The following LCORL variants were observed in gnomAD, a reference collection of about 807,000 sequenced individuals.
LCORL encodes the protein ligand-dependent nuclear receptor corepressor-like protein.
In LCORL, 41 loss-of-function variants were observed where a neutral mutation model predicts 141.8. That is an observed-to-expected ratio of 0.29 (90% CI 0.23 to 0.38). LCORL has a LOEUF of 0.38. Among genes scored for constraint, LCORL ranks in the 10% least tolerant of loss-of-function variants. The pLI is 1.00. For missense variants in LCORL, 1,759 were observed against 2,035.0 expected (o/e 0.86, Z 2.61); for synonymous variants, 618 against 694.1 (o/e 0.89, Z 1.72).
exon 8 of LCORL, chr4:17,841,571 T>TCA: frequency 6.6e-6 from 1 of 152,074 alleles, no homozygotes; most frequent in South Asian, 2.1e-4. Context: ...TTTCAGACTG[T>TCA]CACATTGAAC....
At chr4:17,952,910 GC>G (rs1375059583) in intron 4 of LCORL, among the ~76,000 whole-genome samples, 1 of 151,592 alleles carries the variant, frequency 6.6e-6, no homozygotes, top group African/African-American at 2.4e-5. Context: ...CCTCAAGTAG[GC>G]CCCAGTGTCT....
At chr4:17,882,482 A>G in intron 6 of LCORL, 1 of 984,344 alleles carries the variant, frequency 1.0e-6, no homozygotes, top group South Asian at 4.7e-5. Flanking sequence ...AGTCTCTCTT[A>G]TGAGTCTAGT....
intron 5 of LCORL, among the ~76,000 whole-genome samples, chr4:17,902,799 G>T (rs1277138118): frequency 2.0e-5 from 3 of 151,818 alleles, no homozygotes; most frequent in Non-Finnish European, 2.9e-5. Context: ...TACATAATTT[G>T]TTAAAAAGAA....
intron 7 of LCORL, among the ~76,000 whole-genome samples, chr4:17,857,171 T>C (rs1424611939): frequency 6.6e-6 from 1 of 151,982 alleles, no homozygotes; most frequent in East Asian, 1.9e-4. Flanking sequence ...CCAACAGAGC[T>C]TGGAAATATT....
chr4:17,954,734 T>C (rs1560398973), intron 4 of LCORL, among the ~76,000 whole-genome samples: 1 of 152,114 alleles, frequency 6.6e-6, no homozygotes, highest in Admixed American at 6.6e-5. Context: ...ACAGACTTGA[T>C]AATAGGTTGC....
intron 7 of LCORL, among the ~76,000 whole-genome samples, chr4:17,847,513 C>A (rs1466691394): frequency 6.6e-6 from 1 of 152,150 alleles, no homozygotes; most frequent in African/African-American, 2.4e-5. Context: ...TAAATAGATA[C>A]TAGACAAAAT....
intron 1 of LCORL, among the ~76,000 whole-genome samples, chr4:18,003,878 T>A (rs1438116308): frequency 6.6e-6 from 1 of 152,214 alleles, no homozygotes; most frequent in Non-Finnish European, 1.5e-5. Context: ...ACTCAGTTTA[T>A]CTTGGATAAA....
chr4:17,884,374 T>C lies in LCORL; in HGVS notation c.776+1694A>G, dbSNP rs1283194749. ...ACTGAGTGACCATTTTCTGTAGAGT[T>C]AGCTGATGGAGGTAAGTGGAAGCTG... On this transcript the variant is annotated intron_variant, in intron 6 of 7. Coordinates refer to ENST00000635767, the Ensembl canonical transcript of LCORL. This position sits in a 1 kb window ranked among gnomAD's most constrained non-coding sequence, Gnocchi z 4.4. 6.5e-7 allele frequency: 1 copy of C among 1,547,596 alleles called. No homozygotes were observed. Among genetic ancestry groups the C allele is most frequent in the African/African-American group, 1.4e-5 (1 of 72,650 alleles).
intron 5 of LCORL, among the ~76,000 whole-genome samples, chr4:17,890,084 G>A (rs1386214449): frequency 6.6e-6 from 1 of 151,962 alleles, no homozygotes; most frequent in Non-Finnish European, 1.5e-5. Context: ...TTTATTTACT[G>A]TTGGTATTCA....
chr4:17,911,440 T>A (rs965583595), intron 4 of LCORL, among the ~76,000 whole-genome samples: 4 of 152,206 alleles, frequency 2.6e-5, no homozygotes, highest in Non-Finnish European at 5.9e-5. Context: ...CTAAGAAGGA[T>A]AAGACATCAG....
At position 17,860,486 on chromosome 4, in the gene LCORL, C is replaced by T. The variant is rs1157946679; in HGVS notation, c.5602+12902G>A. Among the ~76,000 whole-genome samples the T allele has an allele frequency of 2.0e-5, 3 of 152,124 alleles. No individual in the cohort carries two copies. In the East Asian group the frequency reaches 5.8e-4, roughly 29 times the overall value. ...AAGACCTGCCCCCATGATTCAATTA[C>T]CTCCCACCAGGTCCCTCCCACAACA... On this transcript the variant is annotated intron_variant, in intron 7 of 7. Transcript: ENST00000635767.
At chr4:17,912,744 C>T (rs1732773826) in intron 4 of LCORL, 1 of 412,424 alleles carries the variant, frequency 2.4e-6, no homozygotes, top group South Asian at 1.9e-5. Flanking sequence ...TCGGAGCTGG[C>T]ACAGACCCGG....
intron 2 of LCORL, among the ~76,000 whole-genome samples, chr4:17,968,026 T>G (rs903641916): frequency 1.3e-5 from 2 of 151,976 alleles, no homozygotes; most frequent in African/African-American, 4.8e-5. Context: ...CCTGGCTAAT[T>G]TTTGTATTTT....
At chr4:17,881,514 G>A in intron 6 of LCORL, 2 of 868,596 alleles carry the variant, frequency 2.3e-6, no homozygotes, top group Non-Finnish European at 2.8e-6. Flanking sequence ...AATAATACAA[G>A]TACTAAAATG....
At chr4:17,877,236 A>G in exon 7 of LCORL, 1 of 1,230,500 alleles carries the variant, frequency 8.1e-7, no homozygotes, top group Non-Finnish European at 1.0e-6. Flanking sequence ...CAATAATTCC[A>G]TAAAACTATA....
chr4:18,010,752 A>G (rs959232690), intron 1 of LCORL, among the ~76,000 whole-genome samples: 4 of 152,134 alleles, frequency 2.6e-5, no homozygotes, highest in East Asian at 1.9e-4. Flanking sequence ...GGGCCCGGCC[A>G]TAACATATTT....
chr4:17,953,959 C>T (rs976765640), intron 4 of LCORL, among the ~76,000 whole-genome samples: 6 of 151,996 alleles, frequency 3.9e-5, no homozygotes, highest in Middle Eastern at 3.2e-3. Context: ...GTCAGGAGAT[C>T]GAGACCATCC....
At chr4:17,883,290 T>C in intron 6 of LCORL, 4 of 990,680 alleles carry the variant, frequency 4.0e-6, no homozygotes, top group Non-Finnish European at 4.8e-6. Flanking sequence ...AAGTCTGTTG[T>C]ATAGAATGTT....
At chr4:18,020,001 G>A (rs1170945345) in intron 1 of LCORL, among the ~76,000 whole-genome samples, 1 of 152,042 alleles carries the variant, frequency 6.6e-6, no homozygotes, top group African/African-American at 2.4e-5. Flanking sequence ...ACGAATACTT[G>A]ACTAAAGCTA....
Sources: gnomAD v4.1 joint callset for allele counts (sites outside exome capture counted in the v4.1 genomes callset) on GRCh38, gnomAD v4.1.1 for gene constraint, Gnocchi (gnomAD v3.1) non-coding constraint, MANE v1.5 for transcripts, NCBI Gene and HGNC (gene_info 2026-07-23, HGNC 2026-07-21) for gene names.